SP140: variants seen among roughly 807,000 people sequenced by gnomAD.
The protein encoded by SP140 is nuclear body protein SP140.
A neutral mutation model predicts 125.0 loss-of-function variants in SP140; 81 were observed. That is an observed-to-expected ratio of 0.65 (90% CI 0.54 to 0.78). The LOEUF (loss-of-function observed/expected upper bound fraction) is 0.78, where lower values mean the gene tolerates loss of function less well. Ranked by LOEUF, SP140 falls within the 30% of genes least tolerant of loss-of-function variation. The pLI is 0.00. For missense variants in SP140, 858 were observed against 1,037.0 expected, an observed-to-expected ratio of 0.83 and a Z score of 2.37; for synonymous variants, 312 against 354.0, an observed-to-expected ratio of 0.88 and a Z score of 1.33.
chr2:230,221,987 GGAGGCT>G (rs1317829400), upstream of SP140, among the ~76,000 whole-genome samples: 4 of 152,224 alleles, frequency 2.6e-5, no homozygotes, highest in African/African-American at 9.6e-5. Flanking sequence ...TAGCACTTTG[GGAGGCT>G]GAGGCAGGCA....
At chr2:230,223,204 T>G (rs1293279208), upstream of SP140, among the ~76,000 whole-genome samples, 2 of 152,014 alleles carry the variant, frequency 1.3e-5, no homozygotes, top group Non-Finnish European at 2.9e-5. Flanking sequence ...ACCTGGCTAA[T>G]TTTTGTATTT....
At chr2:230,198,970 A>G (rs1383652453), upstream of SP140, among the ~76,000 whole-genome samples, 2 of 151,976 alleles carry the variant, frequency 1.3e-5, no homozygotes, top group African/African-American at 4.8e-5. Flanking sequence ...TTTAGCTGGA[A>G]CATAGACATG....
the SP140 span, among the ~76,000 whole-genome samples, chr2:230,194,659 C>G: frequency 6.6e-6 from 1 of 152,116 alleles, no homozygotes; most frequent in African/African-American, 2.4e-5. Flanking sequence ...TGAGGTAGTT[C>G]TGAACACTCT....
intron 6 of SP140, among the ~76,000 whole-genome samples, chr2:230,245,307 T>G (rs1252012319): frequency 6.6e-6 from 1 of 152,154 alleles, no homozygotes; most frequent in African/African-American, 2.4e-5. Context: ...AAAATTACTC[T>G]GATTGGAGGC....
Position 230,312,662 on chromosome 2 carries a change from A to C in SP140, c.2582A>C (p.Gln861Pro), listed in dbSNP as rs1477972874. The change falls in exon 27 of 27, where the codon CAG (glutamine) becomes CCG (proline). Residue 861 changes from glutamine (Q) to proline (P), a missense_variant. Coordinates refer to ENST00000392045, the MANE Select transcript of SP140 (RefSeq NM_007237.5). The stretch of plus-strand genomic sequence containing the variant: ...AATTTCAAGGAAGTGTTTGCTATTC[A>C]GGAAACAAATGGGAACAATTGACTG... ...EKNFKEVFAIQETNGNN is the reference protein window; with the variant it reads ...EKNFKEVFAIPETNGNN The C allele has an allele frequency of 1.1e-5, 17 of 1,611,892 alleles. No homozygotes were observed. The highest frequency in any genetic ancestry group is 1.4e-5 in the Non-Finnish European group (16 of 1,178,468).
intron 1 of SP140, among the ~76,000 whole-genome samples, chr2:230,228,471 T>G (rs1023461664): frequency 6.6e-6 from 1 of 152,230 alleles, no homozygotes; most frequent in African/African-American, 2.4e-5. Context: ...ATATGTCAAT[T>G]AATAAAAAAG....
the SP140 span, among the ~76,000 whole-genome samples, chr2:230,195,863 A>G: frequency 6.6e-6 from 1 of 152,196 alleles, no homozygotes; most frequent in Admixed American, 6.5e-5. Flanking sequence ...TTAAATATAC[A>G]TAGCATATAG....
chr2:230,241,915 G>A (rs1269738212), intron 4 of SP140, among the ~76,000 whole-genome samples: 5 of 152,262 alleles, frequency 3.3e-5, no homozygotes, highest in East Asian at 3.9e-4. Context: ...TATTCCTTAC[G>A]GAGATGACCA....
At chr2:230,250,627 G>A (rs926136456) in intron 9 of SP140, among the ~76,000 whole-genome samples, 1 of 152,144 alleles carries the variant, frequency 6.6e-6, no homozygotes, top group Admixed American at 6.6e-5. Flanking sequence ...AGAGAAAAAG[G>A]CAGGAGCAGA....
intron 15 of SP140, among the ~76,000 whole-genome samples, chr2:230,275,564 GTCTC>G (rs1353582870): frequency 6.6e-6 from 1 of 152,108 alleles, no homozygotes; most frequent in African/African-American, 2.4e-5. Flanking sequence ...CTGTTCCCCT[GTCTC>G]TCTCCCTCTC....
chr2:230,288,231 G>T (rs1426564272), intron 18 of SP140: 5 of 376,232 alleles, frequency 1.3e-5, no homozygotes, highest in Non-Finnish European at 2.4e-5. Context: ...CAAGGCTGGA[G>T]ATAGTTCATT....
chr2:230,306,846 G>A (rs1216484351), intron 22 of SP140, among the ~76,000 whole-genome samples: 1 of 152,222 alleles, frequency 6.6e-6, no homozygotes, highest in Non-Finnish European at 1.5e-5. Flanking sequence ...GGGAAAGGCA[G>A]ACAGGCTCCT....
At chr2:230,293,161 A>ACC (rs1242769148) in intron 20 of SP140, among the ~76,000 whole-genome samples, 1 of 152,180 alleles carries the variant, frequency 6.6e-6, no homozygotes, top group Non-Finnish European at 1.5e-5. Flanking sequence ...ACCATGGCAA[A>ACC]AGTAGCTCTG....
the SP140 span, among the ~76,000 whole-genome samples, chr2:230,196,370 T>A: frequency 7.2e-3 from 1,100 of 152,082 alleles, 6 homozygotes; most frequent in Middle Eastern, 0.024. Flanking sequence ...GTTAAAAAAA[T>A]AGATAACATT....
At chr2:230,222,173 T>C (rs1227401310), upstream of SP140, among the ~76,000 whole-genome samples, 1 of 146,620 alleles carries the variant, frequency 6.8e-6, no homozygotes, top group East Asian at 2.0e-4. Context: ...GAGGTTGCAG[T>C]GAGCTGAGAC....
chr2:230,245,104 T>C (rs376185740), intron 6 of SP140, 24 bp downstream of exon 6: 2 of 1,502,708 alleles, frequency 1.3e-6, no homozygotes, highest in African/African-American at 2.8e-5. Context: ...AAATGACCAA[T>C]TATCTCATTA....
At chr2:230,306,074 C>G (rs1267291877) in intron 22 of SP140, among the ~76,000 whole-genome samples, 1 of 152,194 alleles carries the variant, frequency 6.6e-6, no homozygotes, top group Non-Finnish European at 1.5e-5. Flanking sequence ...CCAACCCAGG[C>G]TGCAAGGAGG....
intron 12 of SP140, among the ~76,000 whole-genome samples, chr2:230,268,836 C>T (rs2053517818): frequency 6.6e-6 from 1 of 152,142 alleles, no homozygotes; most frequent in South Asian, 2.1e-4. Context: ...ACAGGACACT[C>T]CCCAGCAAGA....
At chr2:230,204,171 G>A (rs999598966) in intron 1 of SP140, among the ~76,000 whole-genome samples, 7 of 152,178 alleles carry the variant, frequency 4.6e-5, no homozygotes, top group African/African-American at 1.4e-4. Context: ...TACTCCTTTC[G>A]GTAGCTTGGC....
Sources: gnomAD v4.1 joint callset for allele counts (sites outside exome capture counted in the v4.1 genomes callset) on GRCh38, gnomAD v4.1.1 for gene constraint, MANE v1.5 for transcripts, NCBI Gene and HGNC (gene_info 2026-07-23, HGNC 2026-07-21) for gene names.